The following HERC3 variants were observed in gnomAD, a reference collection of about 807,000 sequenced individuals.
The protein encoded by HERC3 is HECT and RLD domain containing E3 ubiquitin protein ligase 3.
HERC3 carries 58 observed loss-of-function variants against 129.9 expected under a neutral mutation model. That is an observed-to-expected ratio of 0.45 (90% CI 0.36 to 0.56). HERC3 has a LOEUF of 0.56. HERC3 is among the 20% of genes least tolerant of loss of function. HERC3 has a pLI of 0.00. For missense variants in HERC3, 835 were observed against 1,244.2 expected, an observed-to-expected ratio of 0.67 and a Z score of 4.95; for synonymous variants, 430 against 451.0, an observed-to-expected ratio of 0.95 and a Z score of 0.59.
chr4:88,604,262 G>A (rs1210104909), intron 2 of HERC3, among the ~76,000 whole-genome samples: 29 of 152,094 alleles, frequency 1.9e-4, no homozygotes, highest in Non-Finnish European at 2.9e-5. Flanking sequence ...CAGGTGGTCC[G>A]CCCGCCTTGA....
At chr4:88,623,104 A>G (rs895817526) in intron 3 of HERC3, among the ~76,000 whole-genome samples, 1 of 152,218 alleles carries the variant, frequency 6.6e-6, no homozygotes, top group African/African-American at 2.4e-5. Context: ...TGCTCTATGT[A>G]TAAGCTAGTT....
At chr4:88,550,813 G>A in the HERC3 span, among the ~76,000 whole-genome samples, 1 of 151,570 alleles carries the variant, frequency 6.6e-6, no homozygotes, top group Non-Finnish European at 1.5e-5. Flanking sequence ...CCAAAAAAGA[G>A]CCTGCATTGC....
chr4:88,661,571 C>T (rs560091901), intron 10 of HERC3, among the ~76,000 whole-genome samples: 1 of 152,292 alleles, frequency 6.6e-6, no homozygotes, highest in South Asian at 2.1e-4. Flanking sequence ...GCACCATCAA[C>T]CTTTCCTTAG....
chr4:88,653,235 G>T (rs1729487827), intron 6 of HERC3, 145 bp downstream of exon 6: 2 of 789,732 alleles, frequency 2.5e-6, no homozygotes, highest in East Asian at 5.4e-5. Flanking sequence ...TCGTCTTAGT[G>T]GAGACTGTAT....
Position 88,706,851 on chromosome 4 carries a change from C to G in HERC3, c.3044C>G (p.Ala1015Gly), listed in dbSNP as rs773682393. Residue 1015 changes from alanine to glycine, a missense_variant, in exon 26 of 26, where the codon GCC becomes GGC. Physicochemically the swap from Ala to Gly is moderately conservative, Grantham distance 60 (BLOSUM62 0). Transcript: ENST00000402738. ...AGCGGGGAGGAGTACTTGCCGGTGG[C>G]CCACACTTGCTACAACCTTCTTGAC... ...TASGEEYLPV[A>G]HTCYNLLDLP... 1 of 1,614,098 alleles carries G rather than the reference C, an allele frequency of 6.2e-7. No homozygotes were observed. The highest frequency in any genetic ancestry group is 1.1e-5 in the South Asian group (1 of 91,068).
the HERC3 span, among the ~76,000 whole-genome samples, chr4:88,540,937 A>C: frequency 6.6e-6 from 1 of 152,230 alleles, no homozygotes; most frequent in African/African-American, 2.4e-5. Context: ...GAGCTCCTGA[A>C]GGAAGCACTA....
chr4:88,685,929 A>T (rs933232417), intron 21 of HERC3, among the ~76,000 whole-genome samples: 16 of 152,166 alleles, frequency 1.1e-4, no homozygotes, highest in Non-Finnish European at 2.1e-4. Flanking sequence ...ACTGGTTAAC[A>T]TTAGGAAGAA....
the HERC3 span, among the ~76,000 whole-genome samples, chr4:88,543,763 C>G: frequency 1.3e-5 from 2 of 152,112 alleles, no homozygotes; most frequent in East Asian, 3.9e-4. Flanking sequence ...AGAAATAACA[C>G]CACACATCTA....
chr4:88,699,637 G>A (rs1273235733), intron 23 of HERC3, among the ~76,000 whole-genome samples: 2 of 151,584 alleles, frequency 1.3e-5, no homozygotes, highest in East Asian at 3.9e-4. Flanking sequence ...CAGATGCAGG[G>A]GCAGAAAACA....
At chr4:88,658,591 T>G in intron 10 of HERC3, 100 bp downstream of exon 10, 1 of 590,320 alleles carries the variant, frequency 1.7e-6, no homozygotes, top group East Asian at 2.9e-5. Context: ...TGTTACTCTT[T>G]GTTTCTACCA....
chr4:88,672,542 T>G (rs1374805369), intron 16 of HERC3, among the ~76,000 whole-genome samples: 1 of 152,252 alleles, frequency 6.6e-6, no homozygotes, highest in Non-Finnish European at 1.5e-5. Context: ...GTTTAACTAC[T>G]TTTAAATAAT....
chr4:88,579,099 T>G, the HERC3 span, among the ~76,000 whole-genome samples: 5 of 152,016 alleles, frequency 3.3e-5, no homozygotes, highest in Admixed American at 2.6e-4. Flanking sequence ...TTGTTAAGAG[T>G]GGGCTGGGCG....
intron 2 of HERC3, among the ~76,000 whole-genome samples, chr4:88,603,442 G>A (rs924857903): frequency 3.3e-5 from 5 of 151,942 alleles, no homozygotes; most frequent in Non-Finnish European, 1.5e-5. Context: ...TCCTTCCTCA[G>A]GTGATCCATC....
intron 6 of HERC3, 35 bp from the exon 7 acceptor site, chr4:88,654,007 A>G (rs1729572283): frequency 6.9e-7 from 1 of 1,458,542 alleles, no homozygotes; most frequent in African/African-American, 1.4e-5. Context: ...TCAAAGGCAA[A>G]TGGTAGTGAT....
chr4:88,630,424 T>G (rs1434314781), intron 3 of HERC3, among the ~76,000 whole-genome samples: 1 of 152,224 alleles, frequency 6.6e-6, no homozygotes, highest in Admixed American at 6.5e-5. Flanking sequence ...CATTTTATAG[T>G]CAACAAGTGT....
chr4:88,609,510 T>G (rs922468121), intron 3 of HERC3, among the ~76,000 whole-genome samples: 1 of 152,150 alleles, frequency 6.6e-6, no homozygotes, highest in South Asian at 2.1e-4. Flanking sequence ...GCTGGGAGTT[T>G]GAGAACTGGG....
chr4:88,578,064 A>G, the HERC3 span, among the ~76,000 whole-genome samples: 1 of 152,204 alleles, frequency 6.6e-6, no homozygotes, highest in African/African-American at 2.4e-5. Context: ...TGAATTAAGC[A>G]TGAATCTCTC....
upstream of HERC3, among the ~76,000 whole-genome samples, chr4:88,590,788 C>A (rs1451327195): frequency 6.6e-6 from 1 of 151,936 alleles, no homozygotes; most frequent in Non-Finnish European, 1.5e-5. Context: ...GGGATTGCAT[C>A]TTTGTAATAG....
chr4:88,676,490 AT>A, intron 18 of HERC3, 67 bp downstream of exon 18: 1 of 1,125,268 alleles, frequency 8.9e-7, no homozygotes, highest in African/African-American at 1.6e-5. Flanking sequence ...TTCAGTTGTA[AT>A]TTTTTCTAGT....
Sources: allele counts gnomAD v4.1 joint callset (sites outside exome capture counted in the v4.1 genomes callset), GRCh38; gene constraint gnomAD v4.1.1; transcripts MANE v1.5; gene names NCBI Gene and HGNC (gene_info 2026-07-23, HGNC 2026-07-21).